Variants in SLC22A23 observed in about 807,000 individuals in gnomAD.
SLC22A23 encodes the protein ion transporter protein.
A neutral mutation model predicts 61.0 loss-of-function variants in SLC22A23; 26 were observed. The ratio of observed to expected loss-of-function variants is 0.43; its 90% CI spans 0.31 to 0.59. The LOEUF is 0.59. Ranked by LOEUF, SLC22A23 falls within the 20% of genes least tolerant of loss-of-function variation. The pLI is 0.11. For missense variants in SLC22A23, 796 were observed against 934.7 expected (o/e 0.85, Z 1.94); for synonymous variants, 430 against 413.9 (o/e 1.04, Z -0.47).
intron 9 of SLC22A23, 120 bp from the exon 10 acceptor site, chr6:3,273,532 A>C (rs1758626440): frequency 1.9e-6 from 2 of 1,064,212 alleles, no homozygotes; most frequent in Admixed American, 2.2e-5. Context: ...GGCACTGCCC[A>C]GTATACCCCG....
At chr6:3,296,914 C>A (rs528638703) in intron 5 of SLC22A23, among the ~76,000 whole-genome samples, 1 of 152,198 alleles carries the variant, frequency 6.6e-6, no homozygotes, top group Non-Finnish European at 1.5e-5. Flanking sequence ...TTGGGGTTCC[C>A]GTGCATCCCT....
intron 1 of SLC22A23, among the ~76,000 whole-genome samples, chr6:3,431,047 CAA>C (rs1374302095): frequency 9.0e-6 from 1 of 110,750 alleles, no homozygotes; most frequent in Non-Finnish European, 1.8e-5. Context: ...GCCTGGGCAA[CAA>C]GAGCAAAACT....
chr6:3,404,253 G>A (rs773458783), intron 3 of SLC22A23, among the ~76,000 whole-genome samples: 1 of 152,148 alleles, frequency 6.6e-6, no homozygotes, highest in Non-Finnish European at 1.5e-5. Flanking sequence ...AAAGATATAT[G>A]CACTGGAAAG....
chr6:3,312,856 T>G (rs889378070), intron 4 of SLC22A23: 3 of 152,284 alleles, frequency 2.0e-5, no homozygotes, highest in African/African-American at 7.2e-5. Flanking sequence ...TGTGCACACA[T>G]GCACACACAG....
In SLC22A23 at chr6:3,308,812, GCA is replaced by G. The variant is rs1762167102; in HGVS notation, c.1083-10596_1083-10595del. On this transcript the variant is annotated intron_variant, in intron 4 of 9. Coordinates refer to ENST00000406686, the MANE Select transcript of SLC22A23 (RefSeq NM_015482.2). This position sits in a 1 kb window ranked among gnomAD's most constrained non-coding sequence, Gnocchi z 5.1. The stretch of plus-strand genomic sequence containing the variant: ...ACAGAAATTAGCCAAGCATGGTGGC[GCA>G]GGCCTGTAATCCCAGCTACTCAGGA... 6.6e-6 allele frequency among the ~76,000 whole-genome samples: 1 copy of G among 151,796 alleles called. No individual in the cohort carries two copies. Among genetic ancestry groups the G allele is most frequent in the African/African-American group, 2.4e-5 (1 of 41,386 alleles).
intron 1 of SLC22A23, among the ~76,000 whole-genome samples, chr6:3,434,100 G>A (rs757205360): frequency 3.3e-5 from 5 of 152,070 alleles, no homozygotes; most frequent in Non-Finnish European, 7.4e-5. Context: ...GATCACCTGG[G>A]GTCAGGAGTT....
chr6:3,396,410 A>C (rs1472631490), intron 3 of SLC22A23, among the ~76,000 whole-genome samples: 1 of 152,070 alleles, frequency 6.6e-6, no homozygotes, highest in East Asian at 1.9e-4. Context: ...AAAATACAAA[A>C]ATTAGCTGGG....
chr6:3,334,195 CTTG>C (rs1327792293), intron 3 of SLC22A23, among the ~76,000 whole-genome samples: 4 of 152,174 alleles, frequency 2.6e-5, no homozygotes, highest in African/African-American at 9.7e-5. Context: ...GAGTTTCACT[CTTG>C]TTGTCCAGGC....
intron 4 of SLC22A23, among the ~76,000 whole-genome samples, chr6:3,320,410 G>A (rs1281300070): frequency 6.6e-6 from 1 of 152,146 alleles, no homozygotes; most frequent in African/African-American, 2.4e-5. Flanking sequence ...CGTGCAGCTT[G>A]GTTTCCAGTC....
intron 1 of SLC22A23, among the ~76,000 whole-genome samples, chr6:3,452,937 T>G (rs1477964450): frequency 6.6e-6 from 1 of 152,146 alleles, no homozygotes; most frequent in Non-Finnish European, 1.5e-5. Context: ...CATCCACCAC[T>G]CCCAGGAAAA....
In SLC22A23 at chr6:3,308,421, G is replaced by A. The variant is rs1269720917; in HGVS notation, c.1083-10203C>T. 6.6e-6 allele frequency among the ~76,000 whole-genome samples: 1 copy of A among 152,166 alleles called. No individual in the cohort carries two copies. The highest frequency in any genetic ancestry group is 2.4e-5 in the African/African-American group (1 of 41,436). ...CCCCACATCACAGTGAAAAATGCCA[G>A]TCTCACTCTAAACATTCCCTTCCTT... On this transcript the variant is annotated intron_variant, in intron 4 of 9. Coordinates refer to ENST00000406686, the MANE Select transcript of SLC22A23 (RefSeq NM_015482.2). The surrounding 1 kb of genome is among the most constrained non-coding windows in gnomAD (Gnocchi z 5.1).
intron 3 of SLC22A23, among the ~76,000 whole-genome samples, chr6:3,403,451 C>T (rs1027303342): frequency 6.6e-6 from 1 of 151,924 alleles, no homozygotes; most frequent in Non-Finnish European, 1.5e-5. Flanking sequence ...CCAGCAGGGG[C>T]CAGCAAGGGC....
At chr6:3,364,856 T>C (rs562412240) in intron 3 of SLC22A23, among the ~76,000 whole-genome samples, 1 of 152,038 alleles carries the variant, frequency 6.6e-6, no homozygotes, top group South Asian at 2.1e-4. Context: ...GAGTGAGGCA[T>C]AGGTTTGGGT....
At chr6:3,370,147 C>T (rs1017870407) in intron 3 of SLC22A23, among the ~76,000 whole-genome samples, 27 of 151,830 alleles carry the variant, frequency 1.8e-4, no homozygotes, top group Admixed American at 4.6e-4. Context: ...AATTTTTTTT[C>T]CCTAAATTTA....
chr6:3,378,516 C>G (rs1279439339), intron 3 of SLC22A23, among the ~76,000 whole-genome samples: 1 of 152,154 alleles, frequency 6.6e-6, no homozygotes, highest in Non-Finnish European at 1.5e-5. Flanking sequence ...TCTTATCTGT[C>G]GACTGTGACT....
At chr6:3,451,212 T>G (rs994817942) in intron 1 of SLC22A23, among the ~76,000 whole-genome samples, 3 of 152,248 alleles carry the variant, frequency 2.0e-5, no homozygotes, top group Non-Finnish European at 4.4e-5. Context: ...TATTATTATT[T>G]TTTGAGACAG....
intron 5 of SLC22A23, chr6:3,292,067 T>G (rs1760647556): frequency 6.6e-6 from 1 of 152,232 alleles, no homozygotes; most frequent in Non-Finnish European, 1.5e-5. Flanking sequence ...TTGATATGTT[T>G]TCAGGAAGCA....
intron 3 of SLC22A23, among the ~76,000 whole-genome samples, chr6:3,364,258 G>T (rs776401369): frequency 6.6e-6 from 1 of 152,160 alleles, no homozygotes; most frequent in Admixed American, 6.5e-5. Context: ...CTCCATGCAG[G>T]TGAGTGCATT....
intron 3 of SLC22A23, among the ~76,000 whole-genome samples, chr6:3,369,448 C>T (rs9405197): frequency 0.7 from 106,938 of 152,082 alleles, 37,824 homozygotes; most frequent in East Asian, 0.84. Flanking sequence ...CCCAGCACTT[C>T]GGGAGGCCAA....
Sources: gnomAD v4.1 joint callset for allele counts (sites outside exome capture counted in the v4.1 genomes callset) on GRCh38, gnomAD v4.1.1 for gene constraint, Gnocchi (gnomAD v3.1) non-coding constraint, MANE v1.5 for transcripts, NCBI Gene and HGNC (gene_info 2026-07-23, HGNC 2026-07-21) for gene names.